ARFIP1: variants seen among roughly 807,000 people sequenced by gnomAD.
The protein encoded by ARFIP1 is ARF interacting protein 1, also known as arfaptin-1.
A neutral mutation model predicts 42.5 loss-of-function variants in ARFIP1; 24 were observed. The ratio of observed to expected loss-of-function variants is 0.57; its 90% confidence interval spans 0.41 to 0.80. The LOEUF (loss-of-function observed/expected upper bound fraction) is 0.80, where lower values mean the gene tolerates loss of function less well. Ranked by LOEUF, ARFIP1 falls within the 30% of genes least tolerant of loss-of-function variation. The pLI is 0.00. For missense variants in ARFIP1, 354 were observed against 434.0 expected (o/e 0.82, Z 1.64); for synonymous variants, 141 against 153.7 (o/e 0.92, Z 0.61).
chr4:152,903,416 C>A (rs4640654), intron 8 of ARFIP1, among the ~76,000 whole-genome samples: 94,188 of 151,500 alleles, frequency 0.62, 29,416 homozygotes, highest in Admixed American at 0.71. Flanking sequence ...GAGAACAATT[C>A]GCTTTTTAGA....
intron 8 of ARFIP1, among the ~76,000 whole-genome samples, chr4:152,907,996 C>T (rs1001772255): frequency 5.3e-5 from 8 of 152,124 alleles, no homozygotes; most frequent in African/African-American, 1.4e-4. Flanking sequence ...TTTATACACC[C>T]GTCAATAGTA....
intron 1 of ARFIP1, among the ~76,000 whole-genome samples, chr4:152,793,786 A>G (rs1451755630): frequency 6.6e-6 from 1 of 152,160 alleles, no homozygotes; most frequent in Non-Finnish European, 1.5e-5. Context: ...GGGACCTACT[A>G]TATTTTCCTC....
At chr4:152,880,059 A>G (rs1261082543) in intron 5 of ARFIP1, among the ~76,000 whole-genome samples, 1 of 151,724 alleles carries the variant, frequency 6.6e-6, no homozygotes, top group East Asian at 2.0e-4. Flanking sequence ...ACAGGTTTCT[A>G]GGCTGAGCAC....
chr4:152,866,153 A>G (rs933078727), intron 3 of ARFIP1, among the ~76,000 whole-genome samples: 111 of 152,276 alleles, frequency 7.3e-4, no homozygotes, highest in Admixed American at 1.4e-3. Context: ...CTGAGTGGAC[A>G]CAGCACATGT....
chr4:152,834,363 G>T (rs1460350603), intron 2 of ARFIP1, among the ~76,000 whole-genome samples: 1 of 152,136 alleles, frequency 6.6e-6, no homozygotes, highest in African/African-American at 2.4e-5. Flanking sequence ...ACTCATTCCA[G>T]TATTAACTCT....
chr4:152,834,897 G>T (rs1446151383), intron 2 of ARFIP1, among the ~76,000 whole-genome samples: 1 of 152,208 alleles, frequency 6.6e-6, no homozygotes, highest in South Asian at 2.1e-4. Context: ...CATGGAAGCT[G>T]CCAAGACATA....
At chr4:152,814,206 T>A (rs1009296710) in intron 1 of ARFIP1, among the ~76,000 whole-genome samples, 4 of 151,474 alleles carry the variant, frequency 2.6e-5, no homozygotes, top group African/African-American at 9.7e-5. Flanking sequence ...TCTTCCCACC[T>A]TAGCATCCCA....
intron 2 of ARFIP1, among the ~76,000 whole-genome samples, chr4:152,834,411 C>T (rs1731486111): frequency 6.6e-6 from 1 of 152,170 alleles, no homozygotes; most frequent in Non-Finnish European, 1.5e-5. Context: ...ATTTCTTCCA[C>T]CTATGAGTGT....
chr4:152,812,007 C>T (rs1486567533), intron 1 of ARFIP1, among the ~76,000 whole-genome samples: 1 of 152,110 alleles, frequency 6.6e-6, no homozygotes, highest in Non-Finnish European at 1.5e-5. Flanking sequence ...TTCTTGTTAC[C>T]TACTTTACGG....
At chr4:152,889,936 TACAC>T (rs1277529872) in intron 8 of ARFIP1, among the ~76,000 whole-genome samples, 1 of 141,316 alleles carries the variant, frequency 7.1e-6, no homozygotes. Context: ...ATACTATACA[TACAC>T]TATATATTTT....
At chr4:152,859,651 C>T (rs188741064) in intron 2 of ARFIP1, among the ~76,000 whole-genome samples, 1 of 151,986 alleles carries the variant, frequency 6.6e-6, no homozygotes, top group Non-Finnish European at 1.5e-5. Flanking sequence ...TCCAGCTGGG[C>T]TTTTCTTGCA....
At chr4:152,857,100 G>A (rs1578945400) in intron 2 of ARFIP1, among the ~76,000 whole-genome samples, 1 of 152,146 alleles carries the variant, frequency 6.6e-6, no homozygotes, top group Admixed American at 6.5e-5. Context: ...TTGAGTGTAA[G>A]GAATGTTTTC....
At chr4:152,823,365 A>C (rs1730544032) in intron 1 of ARFIP1, among the ~76,000 whole-genome samples, 1 of 152,198 alleles carries the variant, frequency 6.6e-6, no homozygotes, top group Admixed American at 6.5e-5. Context: ...GAAATCCTGA[A>C]CACATCAATA....
chr4:152,859,903 G>T (rs1254753654), intron 2 of ARFIP1, among the ~76,000 whole-genome samples: 1 of 150,876 alleles, frequency 6.6e-6, no homozygotes, highest in African/African-American at 2.4e-5. Flanking sequence ...ATCTAGGCAT[G>T]CTCTAATATA....
intron 8 of ARFIP1, among the ~76,000 whole-genome samples, chr4:152,891,088 T>TC (rs1483377285): frequency 3.3e-5 from 5 of 151,488 alleles, no homozygotes; most frequent in Non-Finnish European, 7.4e-5. Context: ...CAGGGAGGGG[T>TC]CCCTCCCATT....
chr4:152,822,668 A>ATC (rs1730485733), intron 1 of ARFIP1, among the ~76,000 whole-genome samples: 1 of 152,246 alleles, frequency 6.6e-6, no homozygotes, highest in Non-Finnish European at 1.5e-5. Flanking sequence ...TAGGCCACAA[A>ATC]ACAAGTCTCA....
At position 152,910,319 on chromosome 4, in the gene ARFIP1, A is replaced by G. The variant is rs1738743991; in HGVS notation, c.*100A>G. On this transcript the variant is annotated 3_prime_UTR_variant, in exon 9 of 9. Coordinates refer to ENST00000353617, the MANE Select transcript of ARFIP1 (RefSeq NM_001025595.3). ...GGGGGAAGTGGGAGGGGTGACAAGC[A>G]TTATAGTGATTCTTGCACAAACAGC... 3.0e-6 allele frequency: 4 copies of G among 1,323,134 alleles called. No homozygotes were observed. The highest frequency in any genetic ancestry group is 1.5e-5 in the African/African-American group (1 of 67,428). The allele number at this position is 1,323,134 out of a possible 1,614,324, so 82.0% of individuals were successfully genotyped here.
chr4:152,793,778 G>A (rs527652084), intron 1 of ARFIP1, among the ~76,000 whole-genome samples: 3 of 152,112 alleles, frequency 2.0e-5, no homozygotes, highest in Non-Finnish European at 4.4e-5. Context: ...TAAGGTGGGG[G>A]ACCTACTATA....
chr4:152,881,848 C>G (rs1260702847), intron 6 of ARFIP1, among the ~76,000 whole-genome samples: 1 of 152,142 alleles, frequency 6.6e-6, no homozygotes, highest in Non-Finnish European at 1.5e-5. Context: ...AACGTAATTA[C>G]AGCTATTGCA....
Sources: gnomAD v4.1 joint callset for allele counts (sites outside exome capture counted in the v4.1 genomes callset) on GRCh38, gnomAD v4.1.1 for gene constraint, MANE v1.5 for transcripts, NCBI Gene and HGNC (gene_info 2026-07-23, HGNC 2026-07-21) for gene names.